CSMD1: variants seen among roughly 807,000 people sequenced by gnomAD.
The protein encoded by CSMD1 is CUB and Sushi multiple domains 1, also known as CUB and sushi domain-containing protein 1.
In CSMD1, 213 loss-of-function variants were observed where a neutral mutation model predicts 417.5. The ratio of observed to expected loss-of-function variants is 0.51; its 90% CI spans 0.46 to 0.57. CSMD1 has a LOEUF of 0.57. Among genes scored for constraint, CSMD1 ranks in the 20% least tolerant of loss-of-function variants. The pLI, the probability that CSMD1 is intolerant of heterozygous loss-of-function variation, is 0.00. For synonymous variants in CSMD1, 2,862 were observed against 1,736.8 expected, an observed-to-expected ratio of 1.65 and a Z score of -16.11; for missense variants, 6,923 against 4,529.7, an observed-to-expected ratio of 1.53 and a Z score of -15.17.
At chr8:3,969,325 G>A (rs957430926) in intron 5 of CSMD1, among the ~76,000 whole-genome samples, 2 of 152,154 alleles carry the variant, frequency 1.3e-5, no homozygotes, top group African/African-American at 2.4e-5. Flanking sequence ...CCAGGCCCAT[G>A]CTCTCGCTAC....
intron 5 of CSMD1, among the ~76,000 whole-genome samples, chr8:3,848,140 C>T (rs2975389): frequency 0.18 from 27,866 of 151,616 alleles, 2,731 homozygotes; most frequent in East Asian, 0.4. Flanking sequence ...TTTGCTGTGA[C>T]TGCTGTATGT....
At chr8:3,947,611 C>G (rs1811318715) in intron 5 of CSMD1, among the ~76,000 whole-genome samples, 1 of 151,662 alleles carries the variant, frequency 6.6e-6, no homozygotes, top group Admixed American at 6.6e-5. Flanking sequence ...GTTTAGTTTC[C>G]AAATACGAGG....
chr8:4,225,536 A>AT (rs1801297149), intron 3 of CSMD1, among the ~76,000 whole-genome samples: 5 of 132,308 alleles, frequency 3.8e-5, no homozygotes, highest in African/African-American at 5.7e-5. Flanking sequence ...TTTTGCCTCT[A>AT]TTTTTTCTTC....
chr8:4,468,498 G>T (rs996007009), intron 2 of CSMD1, among the ~76,000 whole-genome samples: 1 of 152,150 alleles, frequency 6.6e-6, no homozygotes, highest in African/African-American at 2.4e-5. Flanking sequence ...CTTATCCTCT[G>T]AACATGTACT....
At chr8:4,436,338 T>C (rs1482232567) in intron 2 of CSMD1, among the ~76,000 whole-genome samples, 3 of 152,206 alleles carry the variant, frequency 2.0e-5, no homozygotes, top group African/African-American at 7.2e-5. Flanking sequence ...ACTGTCAATC[T>C]CTCCTTCTTG....
chr8:4,973,144 T>A (rs2117391148), intron 1 of CSMD1, among the ~76,000 whole-genome samples: 1 of 152,242 alleles, frequency 6.6e-6, no homozygotes, highest in East Asian at 1.9e-4. Flanking sequence ...CACCAAGAAA[T>A]ATGCATTAAT....
intron 1 of CSMD1, among the ~76,000 whole-genome samples, chr8:4,774,304 G>A (rs1038182411): frequency 6.6e-6 from 1 of 152,186 alleles, no homozygotes; most frequent in Non-Finnish European, 1.5e-5. Context: ...ACTTTCCTGA[G>A]CAAGTTATAG....
At chr8:3,413,746 A>G (rs1812957408) in intron 12 of CSMD1, among the ~76,000 whole-genome samples, 1 of 152,204 alleles carries the variant, frequency 6.6e-6, no homozygotes, top group South Asian at 2.1e-4. Context: ...ACCTTCAGGT[A>G]GAGTAGAAGA....
At chr8:4,521,410 T>A (rs945973293) in intron 2 of CSMD1, among the ~76,000 whole-genome samples, 4 of 152,148 alleles carry the variant, frequency 2.6e-5, no homozygotes, top group African/African-American at 7.2e-5. Context: ...GATAATAGCC[T>A]GTATTATTTG....
intron 10 of CSMD1, among the ~76,000 whole-genome samples, chr8:3,507,339 A>AT (rs912312994): frequency 6.6e-6 from 1 of 152,116 alleles, no homozygotes; most frequent in Admixed American, 6.6e-5. Flanking sequence ...TGAACTCATC[A>AT]TTTTTTATGG....
intron 7 of CSMD1, among the ~76,000 whole-genome samples, chr8:3,695,794 A>C (rs1407939693): frequency 6.6e-6 from 1 of 152,214 alleles, no homozygotes; most frequent in Non-Finnish European, 1.5e-5. Context: ...TCAGATTATA[A>C]ATCAACCAGC....
At chr8:4,784,017 T>C (rs184222584) in intron 1 of CSMD1, among the ~76,000 whole-genome samples, 2,639 of 152,304 alleles carry the variant, frequency 0.017, 40 homozygotes, top group South Asian at 0.046. Flanking sequence ...GTGAAAATTA[T>C]GGATAAAAAA....
At chr8:3,091,717 G>A in intron 47 of CSMD1, 55 bp from the exon 48 acceptor site, 3 of 1,524,252 alleles carry the variant, frequency 2.0e-6, no homozygotes, top group Non-Finnish European at 2.7e-6. Context: ...CCTACCAAAT[G>A]CATACTAGGT....
At chr8:4,255,663 A>T (rs541886175) in intron 3 of CSMD1, among the ~76,000 whole-genome samples, 1 of 152,292 alleles carries the variant, frequency 6.6e-6, no homozygotes, top group South Asian at 2.1e-4. Context: ...GACTTTGCTA[A>T]TATGTATTAC....
intron 4 of CSMD1, among the ~76,000 whole-genome samples, chr8:4,016,995 C>T (rs1170499438): frequency 6.6e-6 from 1 of 152,108 alleles, no homozygotes; most frequent in Non-Finnish European, 1.5e-5. Flanking sequence ...ATCACAATAA[C>T]AGAAATCATA....
At chr8:4,263,399 T>C (rs574314202) in intron 3 of CSMD1, among the ~76,000 whole-genome samples, 1 of 152,290 alleles carries the variant, frequency 6.6e-6, no homozygotes, top group East Asian at 1.9e-4. Context: ...TTGACCACAT[T>C]TCTATTACAT....
chr8:4,330,379 G>C (rs753972937), intron 3 of CSMD1, among the ~76,000 whole-genome samples: 1 of 152,074 alleles, frequency 6.6e-6, no homozygotes, highest in Non-Finnish European at 1.5e-5. Context: ...CAGATCACTT[G>C]AGGTCAGGAG....
chr8:3,277,256 C>G (rs1584914757), intron 26 of CSMD1, among the ~76,000 whole-genome samples: 1 of 152,100 alleles, frequency 6.6e-6, no homozygotes, highest in Admixed American at 6.5e-5. Flanking sequence ...AGAAGTCACC[C>G]TGGCTGAGAT....
intron 5 of CSMD1, among the ~76,000 whole-genome samples, chr8:3,909,356 G>C (rs1375150656): frequency 1.3e-5 from 2 of 152,100 alleles, no homozygotes; most frequent in African/African-American, 4.8e-5. Flanking sequence ...ATGCCAGTCT[G>C]ACTCACATTC....
Sources: allele counts gnomAD v4.1 joint callset (sites outside exome capture counted in the v4.1 genomes callset), GRCh38; gene constraint gnomAD v4.1.1; transcripts MANE v1.5; gene names NCBI Gene and HGNC (gene_info 2026-07-23, HGNC 2026-07-21).